The following PZP variants were observed in gnomAD, a reference collection of about 807,000 sequenced individuals.
PZP encodes the protein pregnancy zone protein.
Under a neutral mutation model 179.8 loss-of-function variants are expected in PZP, and 150 were observed. The ratio of observed to expected loss-of-function variants is 0.83; its 90% CI spans 0.73 to 0.96. The LOEUF (loss-of-function observed/expected upper bound fraction) is 0.96, where lower values mean the gene tolerates loss of function less well. PZP is among the 40% of genes least tolerant of loss of function. PZP has a pLI of 0.00. For missense variants in PZP, 1,689 were observed against 1,764.0 expected (o/e 0.96, Z 0.76); for synonymous variants, 624 against 652.3 (o/e 0.96, Z 0.66).
At chr12:9,136,597 T>A in the PZP span, among the ~76,000 whole-genome samples, 1 of 152,326 alleles carries the variant, frequency 6.6e-6, no homozygotes, top group East Asian at 1.9e-4. Flanking sequence ...TATAGATGAA[T>A]ATATACACCA....
chr12:9,199,338 C>G (rs1018030249), intron 7 of PZP, among the ~76,000 whole-genome samples: 23 of 152,132 alleles, frequency 1.5e-4, no homozygotes, highest in African/African-American at 5.6e-4. Flanking sequence ...AGCGCATCCT[C>G]CTTCCTCAAT....
chr12:9,197,243 C>T, intron 7 of PZP, 120 bp from the exon 8 acceptor site: 2 of 651,834 alleles, frequency 3.1e-6, no homozygotes, highest in African/African-American at 1.9e-5. Flanking sequence ...TGGGTGCCCA[C>T]CAAGTAGAAA....
downstream of PZP, among the ~76,000 whole-genome samples, chr12:9,144,141 C>T (rs1398359661): frequency 6.6e-6 from 1 of 151,958 alleles, no homozygotes; most frequent in Non-Finnish European, 1.5e-5. Flanking sequence ...GGCAAAGGGC[C>T]TCTTGAACCA....
Position 9,194,333 on chromosome 12 carries a change from A to G in PZP, c.1093-95T>C, listed in dbSNP as rs758612201. 1.2e-5 allele frequency: 14 copies of G among 1,180,544 alleles called. No homozygotes were observed. In the East Asian group the frequency reaches 3.2e-4, roughly 27 times the overall value. 73.1% of individuals were successfully genotyped at this position (1,180,544 alleles called of 1,614,324 possible). A position where few individuals can be genotyped will look rare whatever the true frequency, so the allele number is the denominator to read the frequency against. On this transcript the variant is annotated intron_variant, in intron 10 of 35. Transcript: ENST00000261336. ...TGCTTTTGCTGCTATAACTAAAACAACAACCTCCCCCTCAAAAAAACCCCA... is the reference window on the plus strand; with the variant it reads ...TGCTTTTGCTGCTATAACTAAAACAGCAACCTCCCCCTCAAAAAAACCCCA...
chr12:9,177,312 G>T (rs973273976), intron 15 of PZP, among the ~76,000 whole-genome samples: 4 of 152,206 alleles, frequency 2.6e-5, no homozygotes, highest in Non-Finnish European at 5.9e-5. Context: ...ACCTCTGTGT[G>T]GTGAGGAACT....
At chr12:9,161,498 T>C (rs1941199804) in intron 22 of PZP, among the ~76,000 whole-genome samples, 1 of 152,220 alleles carries the variant, frequency 6.6e-6, no homozygotes, top group African/African-American at 2.4e-5. Flanking sequence ...CTTCCTCTTC[T>C]CATTTAACTA....
chr12:9,157,383 A>T (rs371039037), intron 27 of PZP, 28 bp from the exon 28 acceptor site: 21 of 1,596,706 alleles, frequency 1.3e-5, no homozygotes, highest in African/African-American at 4.0e-5. Context: ...GGTTGTGTCA[A>T]ACTAGGGTGA....
At chr12:9,189,793 A>G (rs1013001668) in intron 13 of PZP, among the ~76,000 whole-genome samples, 1 of 152,248 alleles carries the variant, frequency 6.6e-6, no homozygotes, top group Non-Finnish European at 1.5e-5. Flanking sequence ...ACACATTTAC[A>G]AGGAAAAAAC....
downstream of PZP, among the ~76,000 whole-genome samples, chr12:9,146,781 C>G (rs950324172): frequency 1.3e-5 from 2 of 152,124 alleles, no homozygotes; most frequent in Non-Finnish European, 2.9e-5. Flanking sequence ...ATAGTGTTCA[C>G]CACTTCAAAT....
the PZP span, among the ~76,000 whole-genome samples, chr12:9,143,579 G>A: frequency 6.6e-6 from 1 of 152,266 alleles, no homozygotes; most frequent in African/African-American, 2.4e-5. Flanking sequence ...GGGAGGGTCA[G>A]GATCTTAGGT....
chr12:9,200,355 G>T lies in PZP; in HGVS notation c.755+9C>A, dbSNP rs1199389914. ...ATATAAAATTTTAGATAAAAACAATGTAACTCACTCTCCACAGACTGTTAT... is the reference window on the plus strand; with the variant it reads ...ATATAAAATTTTAGATAAAAACAATTTAACTCACTCTCCACAGACTGTTAT... On this transcript the variant is annotated intron_variant, in intron 7 of 35. Transcript: ENST00000261336. The T allele has an allele frequency of 2.6e-6, 4 of 1,564,946 alleles. No individual in the cohort carries two copies. Among genetic ancestry groups the T allele is most frequent in the Non-Finnish European group, 8.8e-7 (1 of 1,141,362 alleles).
chr12:9,153,103 C>G, intron 30 of PZP, 22 bp downstream of exon 30: 3 of 1,612,136 alleles, frequency 1.9e-6, no homozygotes, highest in Non-Finnish European at 2.5e-6. Flanking sequence ...TGACTCTCAC[C>G]CATATAAGCT....
chr12:9,203,502 C>T (rs748385097), intron 2 of PZP, among the ~76,000 whole-genome samples: 400 of 152,042 alleles, frequency 2.6e-3, no homozygotes, highest in African/African-American at 8.5e-3. Flanking sequence ...CCACTACGCC[C>T]GGCTAATTTT....
intron 24 of PZP, 119 bp from the exon 25 acceptor site, chr12:9,160,144 G>C: frequency 1.7e-6 from 2 of 1,172,748 alleles, no homozygotes; most frequent in Non-Finnish European, 2.5e-6. Flanking sequence ...ATCTGCCATA[G>C]TTTTGTGAAT....
rs1161693422 is a variant in PZP, at chr12:9,160,486, G to A, written c.2877C>T (p.Asp959=). Residue 959 remains aspartate, a synonymous_variant, in exon 24 of 36, where the codon GAC becomes GAT. Transcript: ENST00000261336. ...SARASFSVLG[D]ILGSAMQNIQ... ...TATTTTGCATAGCAGAACCTAATAT[G>A]TCACCTGGGGAATGTGAAAGATTAG... 2 of 1,610,476 alleles carry A rather than the reference G, an allele frequency of 1.2e-6. No individual in the cohort carries two copies. The highest frequency in any genetic ancestry group is 2.7e-5 in the African/African-American group (2 of 74,796).
chr12:9,200,821 C>G, intron 6 of PZP, 71 bp downstream of exon 6: 1 of 1,472,806 alleles, frequency 6.8e-7, no homozygotes, highest in South Asian at 1.3e-5. Flanking sequence ...ACAGGAAATT[C>G]AAAGGATCTA....
At chr12:9,146,261 G>T (rs972590335), downstream of PZP, among the ~76,000 whole-genome samples, 1 of 150,906 alleles carries the variant, frequency 6.6e-6, no homozygotes, top group African/African-American at 2.4e-5. Context: ...CCAATGACTG[G>T]TGTTCAAATT....
chr12:9,182,012 G>C lies in PZP; in HGVS notation c.1652C>G (p.Ser551Cys). 6.2e-7 allele frequency: 1 copy of C among 1,613,746 alleles called. No homozygotes were observed. Residue 551 changes from serine to cysteine, a missense_variant, in exon 14 of 36, where the codon TCT (serine) becomes TGT (cysteine). Ser to Cys is a moderately radical substitution (Grantham distance 112, BLOSUM62 -1). Transcript: ENST00000261336. ...ILPDGEVVGDSEKFEIENCLA... is the reference protein window; with the variant it reads ...ILPDGEVVGDCEKFEIENCLA... ...ACAGTTTTCAATCTCAAATTTTTCA[G>C]AGTCTCCAACAACTTCTCCATCTGG... is the stretch of plus-strand genomic sequence containing the variant.
At chr12:9,171,971 A>G (rs887662496) in intron 15 of PZP, among the ~76,000 whole-genome samples, 1 of 152,220 alleles carries the variant, frequency 6.6e-6, no homozygotes, top group Non-Finnish European at 1.5e-5. Context: ...GCCAACATTC[A>G]AATTCAGGAA....
Sources: allele counts gnomAD v4.1 joint callset (sites outside exome capture counted in the v4.1 genomes callset), GRCh38; gene constraint gnomAD v4.1.1; transcripts MANE v1.5; gene names NCBI Gene and HGNC (gene_info 2026-07-23, HGNC 2026-07-21).